The following RBFOX1 variants were observed in gnomAD, a reference collection of about 807,000 sequenced individuals.
RBFOX1 encodes the protein RNA binding fox-1 homolog 1, also known as RNA binding protein fox-1 homolog 1.
Under a neutral mutation model 57.7 loss-of-function variants are expected in RBFOX1, and 8 were observed. The ratio of observed to expected loss-of-function variants is 0.14; its 90% CI spans 0.08 to 0.25. RBFOX1 has a LOEUF of 0.25. Among genes scored for constraint, RBFOX1 ranks in the 10% least tolerant of loss-of-function variants. RBFOX1 has a pLI of 1.00. For missense variants in RBFOX1, 611 were observed against 548.5 expected (o/e 1.11, Z -1.14); for synonymous variants, 326 against 222.4 (o/e 1.47, Z -4.15).
intron 4 of RBFOX1, among the ~76,000 whole-genome samples, chr16:7,324,718 A>G (rs2096589106): frequency 6.6e-6 from 1 of 152,178 alleles, no homozygotes; most frequent in South Asian, 2.1e-4. Context: ...TGTAATGACT[A>G]TCAGCAGGCT....
intron 3 of RBFOX1, among the ~76,000 whole-genome samples, chr16:6,986,242 C>A (rs1480711357): frequency 6.9e-6 from 1 of 144,902 alleles, no homozygotes; most frequent in Non-Finnish European, 1.5e-5. Flanking sequence ...GGTCTGTCAC[C>A]CAGGCTGGAG....
At chr16:5,398,303 G>GT (rs1333377621) in intron 1 of RBFOX1, among the ~76,000 whole-genome samples, 1 of 149,652 alleles carries the variant, frequency 6.7e-6, no homozygotes, top group Admixed American at 6.7e-5. Flanking sequence ...GCTTATGTGT[G>GT]TGTGCATGTG....
At chr16:7,323,304 G>C (rs746046075) in intron 4 of RBFOX1, among the ~76,000 whole-genome samples, 18 of 152,128 alleles carry the variant, frequency 1.2e-4, no homozygotes, top group Non-Finnish European at 2.5e-4. Flanking sequence ...TGCACCTGTA[G>C]TCCCAGGTTT....
intron 3 of RBFOX1, among the ~76,000 whole-genome samples, chr16:6,742,695 A>T (rs2072559525): frequency 6.6e-6 from 1 of 152,216 alleles, no homozygotes; most frequent in African/African-American, 2.4e-5. Flanking sequence ...CCTGTGATGA[A>T]TCTCAAGGGC....
chr16:7,171,014 C>G (rs146828233), intron 4 of RBFOX1, among the ~76,000 whole-genome samples: 77 of 152,332 alleles, frequency 5.1e-4, no homozygotes, highest in African/African-American at 1.8e-3. Flanking sequence ...TCTGCTCACC[C>G]TCTGCCTCTC....
At chr16:6,693,745 C>T (rs1425063663) in intron 3 of RBFOX1, among the ~76,000 whole-genome samples, 1 of 151,830 alleles carries the variant, frequency 6.6e-6, no homozygotes. Flanking sequence ...CATCCTCATC[C>T]ACTAACATCA....
intron 2 of RBFOX1, among the ~76,000 whole-genome samples, chr16:6,536,526 T>C (rs1567596472): frequency 6.6e-6 from 1 of 151,548 alleles, no homozygotes; most frequent in Non-Finnish European, 1.5e-5. Flanking sequence ...AAATTAGCTC[T>C]GTCACAAAAG....
chr16:6,580,203 C>T (rs570684580), intron 2 of RBFOX1, among the ~76,000 whole-genome samples: 1 of 152,134 alleles, frequency 6.6e-6, no homozygotes, highest in Non-Finnish European at 1.5e-5. Flanking sequence ...ATAATCTGCC[C>T]TCCTCAGCCT....
At chr16:5,645,043 C>T (rs2049001568) in intron 3 of RBFOX1, among the ~76,000 whole-genome samples, 2 of 150,650 alleles carry the variant, frequency 1.3e-5, no homozygotes, top group East Asian at 3.9e-4. Context: ...TGAGACCAGC[C>T]TGAGCAACAT....
intron 3 of RBFOX1, among the ~76,000 whole-genome samples, chr16:5,625,579 A>G (rs907021096): frequency 3.6e-5 from 3 of 82,256 alleles, no homozygotes; most frequent in South Asian, 4.5e-4. Flanking sequence ...TATTTTCGAG[A>G]TGGAGTTTTG....
intron 1 of RBFOX1, among the ~76,000 whole-genome samples, chr16:6,086,339 C>G (rs926483957): frequency 2.6e-5 from 4 of 152,154 alleles, no homozygotes; most frequent in Non-Finnish European, 4.4e-5. Flanking sequence ...CCCGTGCATT[C>G]CATCTCTCAC....
chr16:6,927,017 G>A (rs2075713375), intron 3 of RBFOX1, among the ~76,000 whole-genome samples: 2 of 152,014 alleles, frequency 1.3e-5, no homozygotes, highest in Non-Finnish European at 2.9e-5. Flanking sequence ...TACTCAACCA[G>A]CGATTACTAT....
chr16:7,689,349 G>GA (rs2076832271), intron 14 of RBFOX1, among the ~76,000 whole-genome samples: 1 of 152,114 alleles, frequency 6.6e-6, no homozygotes, highest in African/African-American at 2.4e-5. Context: ...GCTTTGAAGT[G>GA]AAAATGGGAA....
chr16:5,893,959 T>A (rs1332253932), intron 4 of RBFOX1, among the ~76,000 whole-genome samples: 1 of 152,142 alleles, frequency 6.6e-6, no homozygotes, highest in Admixed American at 6.5e-5. Flanking sequence ...ATAATTTAGT[T>A]GCAAAATGTG....
intron 3 of RBFOX1, among the ~76,000 whole-genome samples, chr16:5,733,157 G>A (rs781530606): frequency 6.6e-6 from 1 of 152,178 alleles, no homozygotes; most frequent in Non-Finnish European, 1.5e-5. Flanking sequence ...CTGGTATACT[G>A]TTGTAGTTGC....
At chr16:7,370,807 A>T (rs888304260) in intron 4 of RBFOX1, among the ~76,000 whole-genome samples, 2 of 152,250 alleles carry the variant, frequency 1.3e-5, no homozygotes, top group African/African-American at 4.8e-5. Context: ...TGCTAATTGC[A>T]GGACTGTTGT....
At chr16:6,230,211 G>A (rs1427288447) in intron 1 of RBFOX1, among the ~76,000 whole-genome samples, 1 of 152,112 alleles carries the variant, frequency 6.6e-6, no homozygotes, top group East Asian at 1.9e-4. Context: ...TTAGTGATTG[G>A]AATGAGTTGA....
chr16:6,825,880 T>G (rs1279192766), intron 3 of RBFOX1, among the ~76,000 whole-genome samples: 2 of 152,190 alleles, frequency 1.3e-5, no homozygotes, highest in Non-Finnish European at 2.9e-5. Flanking sequence ...CCTTCTGATG[T>G]AGGTGGCAGC....
chr16:7,606,377 T>C (rs2095287097), intron 9 of RBFOX1, among the ~76,000 whole-genome samples: 1 of 152,076 alleles, frequency 6.6e-6, no homozygotes, highest in South Asian at 2.1e-4. Flanking sequence ...TGCCTTGGCC[T>C]CCCAAAGTGT....
Sources: gnomAD v4.1 joint callset for allele counts (sites outside exome capture counted in the v4.1 genomes callset) on GRCh38, gnomAD v4.1.1 for gene constraint, MANE v1.5 for transcripts, NCBI Gene and HGNC (gene_info 2026-07-23, HGNC 2026-07-21) for gene names.